Variants in SQOR observed in about 807,000 individuals in gnomAD.
The protein encoded by SQOR is sulfide quinone oxidoreductase, also known as sulfide:quinone oxidoreductase, mitochondrial.
A neutral mutation model predicts 48.6 loss-of-function variants in SQOR; 39 were observed. The ratio of observed to expected loss-of-function variants is 0.80; its 90% CI spans 0.62 to 1.05. SQOR has a LOEUF of 1.05. SQOR is among the 50% of genes least tolerant of loss of function. SQOR has a pLI of 0.00. For synonymous variants in SQOR, 220 were observed against 206.2 expected, an observed-to-expected ratio of 1.07 and a Z score of -0.57; for missense variants, 561 against 559.9, an observed-to-expected ratio of 1.00 and a Z score of -0.02.
intron 4 of SQOR, among the ~76,000 whole-genome samples, chr15:45,671,655 A>T (rs1327778115): frequency 1.3e-5 from 2 of 152,170 alleles, no homozygotes; most frequent in African/African-American, 4.8e-5. Flanking sequence ...AAATACTGAG[A>T]TGTTTCTAGA....
chr15:45,664,437 C>T (rs1460838106), intron 3 of SQOR, among the ~76,000 whole-genome samples: 1 of 151,758 alleles, frequency 6.6e-6, no homozygotes, highest in East Asian at 1.9e-4. Flanking sequence ...GTATATGTGT[C>T]CCCCCCATCC....
chr15:45,676,381 C>T (rs1890037582), intron 6 of SQOR, 71 bp downstream of exon 6: 3 of 1,402,770 alleles, frequency 2.1e-6, no homozygotes, highest in Admixed American at 3.6e-5. Flanking sequence ...CATGGGGGCT[C>T]ACACCACCCT....
intron 1 of SQOR, among the ~76,000 whole-genome samples, chr15:45,648,378 A>G (rs1889388774): frequency 6.6e-6 from 1 of 152,060 alleles, no homozygotes; most frequent in Admixed American, 6.6e-5. Flanking sequence ...GGGTTTCACC[A>G]TATTGGCCAG....
Position 45,658,887 on chromosome 15 carries a change from C to A in SQOR, c.-17-20C>A. ...ATGGTTTCTACCTTGGCACTCACAG[C>A]CCTGTCTCTTCCCTTCCAGCCTGAT... On this transcript the variant is annotated intron_variant, in intron 1 of 9. Coordinates refer to ENST00000260324, the MANE Select transcript of SQOR (RefSeq NM_021199.4). The A allele has an allele frequency of 1.4e-6, 2 of 1,470,120 alleles. No individual in the cohort carries two copies. The highest frequency in any genetic ancestry group is 1.8e-6 in the Non-Finnish European group (2 of 1,102,622). 91.1% of individuals were successfully genotyped at this position (1,470,120 alleles called of 1,614,324 possible). A position where few individuals can be genotyped will look rare whatever the true frequency, so the allele number is the denominator to read the frequency against.
At chr15:45,637,739 G>C (rs554701830) in intron 1 of SQOR, among the ~76,000 whole-genome samples, 1 of 152,298 alleles carries the variant, frequency 6.6e-6, no homozygotes, top group African/African-American at 2.4e-5. Flanking sequence ...TTGCAGAACA[G>C]TTTCTCCTCC....
At chr15:45,666,644 C>T (rs2140952025) in intron 3 of SQOR, among the ~76,000 whole-genome samples, 1 of 152,146 alleles carries the variant, frequency 6.6e-6, no homozygotes, top group African/African-American at 2.4e-5. Context: ...TATTGAGTAT[C>T]TACTATATGC....
chr15:45,658,200 A>T (rs1889649188), intron 1 of SQOR, among the ~76,000 whole-genome samples: 1 of 152,220 alleles, frequency 6.6e-6, no homozygotes, highest in African/African-American at 2.4e-5. Flanking sequence ...TAACTTTATG[A>T]TACCAGGCAG....
chr15:45,648,075 TTTTA>T (rs1225769563), intron 1 of SQOR, among the ~76,000 whole-genome samples: 2 of 152,222 alleles, frequency 1.3e-5, no homozygotes, highest in African/African-American at 4.8e-5. Flanking sequence ...AAAATGGGGA[TTTTA>T]TTTATAAGGT....
At chr15:45,658,213 C>A (rs1889649556) in intron 1 of SQOR, among the ~76,000 whole-genome samples, 4 of 152,138 alleles carry the variant, frequency 2.6e-5, no homozygotes, top group South Asian at 2.1e-4. Context: ...CCAGGCAGGG[C>A]TCCTTTTATG....
intron 1 of SQOR, among the ~76,000 whole-genome samples, chr15:45,638,701 T>G (rs1895052226): frequency 1.3e-5 from 2 of 150,216 alleles, no homozygotes; most frequent in African/African-American, 2.5e-5. Flanking sequence ...CATTCTAGCC[T>G]GCGCAACAGA....
chr15:45,632,276 G>A (rs868398366), upstream of SQOR, among the ~76,000 whole-genome samples: 1 of 149,600 alleles, frequency 6.7e-6, no homozygotes, highest in South Asian at 2.1e-4. Context: ...CTGGAGTGCA[G>A]TGGCACGATC....
At chr15:45,649,263 C>T (rs1170507309) in intron 1 of SQOR, among the ~76,000 whole-genome samples, 3 of 152,186 alleles carry the variant, frequency 2.0e-5, no homozygotes, top group African/African-American at 7.2e-5. Flanking sequence ...GCCCAGTCCG[C>T]TGTCTTATCT....
chr15:45,682,590 G>C lies in SQOR; in HGVS notation c.977G>C (p.Arg326Thr). 1 of 1,614,186 alleles carries C rather than the reference G, an allele frequency of 6.2e-7. No homozygotes were observed. The highest frequency in any genetic ancestry group is 1.3e-5 in the African/African-American group (1 of 75,048). Residue 326 changes from arginine to threonine, a missense_variant, in exon 7 of 10, where the codon AGG becomes ACG. Physicochemically the swap from Arg to Thr is moderately conservative, Grantham distance 71. Transcript: ENST00000260324. ...GTGGATAAAGAAACTCTGCAACACA[G>C]GAGGTACCCAAATGTGTTTGGGATT... ...VDVDKETLQH[R>T]RYPNVFGIGD...
chr15:45,644,015 C>G (rs1595570247), intron 1 of SQOR, among the ~76,000 whole-genome samples: 1 of 152,232 alleles, frequency 6.6e-6, no homozygotes, highest in East Asian at 1.9e-4. Context: ...GCTCAATCAC[C>G]CACAAATTGT....
At chr15:45,671,427 G>C (rs1889940475) in intron 4 of SQOR, among the ~76,000 whole-genome samples, 1 of 152,090 alleles carries the variant, frequency 6.6e-6, no homozygotes, top group South Asian at 2.1e-4. Context: ...CAAAGTGCTG[G>C]GATTACAGGC....
intron 1 of SQOR, among the ~76,000 whole-genome samples, chr15:45,656,888 T>C (rs1431134839): frequency 6.6e-6 from 1 of 151,824 alleles, no homozygotes; most frequent in South Asian, 2.1e-4. Context: ...TACTGCAACC[T>C]CTGCCTCCTG....
In SQOR at chr15:45,653,659, C is replaced by T. The variant is rs117939661; in HGVS notation, c.-17-5248C>T. On this transcript the variant is annotated intron_variant, in intron 1 of 9. Transcript: ENST00000260324. ...GTCACGTGTTTGGTTTTTCTGGTGA[C>T]CAGCCCCCTCCTGAAGCCATCTAGG... is the stretch of plus-strand genomic sequence containing the variant. 2.5e-3 allele frequency among the ~76,000 whole-genome samples: 373 copies of T among 152,212 alleles called. 11 individuals carry two copies. The East Asian group carries it at 0.062, about 25-fold the overall frequency.
chr15:45,651,492 C>T (rs115927164), intron 1 of SQOR, among the ~76,000 whole-genome samples: 2,424 of 152,376 alleles, frequency 0.016, 73 homozygotes, highest in African/African-American at 0.055. Context: ...TGAGCATGGC[C>T]AGAGCGGATG....
chr15:45,648,880 G>A (rs566406668), intron 1 of SQOR, among the ~76,000 whole-genome samples: 11 of 152,354 alleles, frequency 7.2e-5, no homozygotes, highest in African/African-American at 2.4e-4. Context: ...TTAAAGGTTG[G>A]CCCTGTGGTT....
Sources: allele counts gnomAD v4.1 joint callset (sites outside exome capture counted in the v4.1 genomes callset), GRCh38; gene constraint gnomAD v4.1.1; transcripts MANE v1.5; gene names NCBI Gene and HGNC (gene_info 2026-07-23, HGNC 2026-07-21).